Variants in GALNT13 observed in about 807,000 individuals in gnomAD.
GALNT13 encodes UDP-GalNAc:polypeptide N-acetylgalactosaminyltransferase 13.
In GALNT13, 28 loss-of-function variants were observed where a neutral mutation model predicts 64.2. That is an observed-to-expected ratio of 0.44 (90% confidence interval 0.32 to 0.60). The LOEUF is 0.60. GALNT13 is among the 20% of genes least tolerant of loss of function. The pLI, the probability that GALNT13 is intolerant of heterozygous loss-of-function variation, is 0.05. For missense variants in GALNT13, 577 were observed against 669.8 expected (o/e 0.86, Z 1.53); for synonymous variants, 214 against 224.6 (o/e 0.95, Z 0.42).
chr2:154,300,146 GC>G (rs1434497417), intron 8 of GALNT13, among the ~76,000 whole-genome samples: 1 of 133,082 alleles, frequency 7.5e-6, no homozygotes, highest in East Asian at 2.3e-4. Context: ...TGTCACCCAG[GC>G]TGGAGTGCAA....
At chr2:154,436,284 C>T (rs1206769237) in intron 11 of GALNT13, 1 of 152,048 alleles carries the variant, frequency 6.6e-6, no homozygotes, top group Non-Finnish European at 1.5e-5. Flanking sequence ...ATGTACGTTA[C>T]TTATAACTGT....
chr2:153,578,783 T>G, the GALNT13 span, among the ~76,000 whole-genome samples: 1 of 152,208 alleles, frequency 6.6e-6, no homozygotes, highest in African/African-American at 2.4e-5. Flanking sequence ...AGCAATATTT[T>G]ATGAAGTTAA....
chr2:153,078,890 T>A, the GALNT13 span, among the ~76,000 whole-genome samples: 1 of 152,172 alleles, frequency 6.6e-6, no homozygotes, highest in African/African-American at 2.4e-5. Flanking sequence ...TGTATTAGAC[T>A]CCTGGGAATC....
At chr2:153,161,032 G>A in the GALNT13 span, among the ~76,000 whole-genome samples, 2 of 152,190 alleles carry the variant, frequency 1.3e-5, no homozygotes, top group African/African-American at 4.8e-5. Flanking sequence ...TAGATTAAAA[G>A]GCAGTAAAAT....
intron 8 of GALNT13, among the ~76,000 whole-genome samples, chr2:154,284,203 T>C (rs926067870): frequency 5.3e-5 from 8 of 152,168 alleles, no homozygotes; most frequent in Non-Finnish European, 1.2e-4. Context: ...TGCAGTGCAA[T>C]AGATCACTAA....
At chr2:153,112,279 G>A in the GALNT13 span, among the ~76,000 whole-genome samples, 3 of 152,136 alleles carry the variant, frequency 2.0e-5, no homozygotes, top group Non-Finnish European at 4.4e-5. Context: ...CCTATAGGCA[G>A]TAAGTGCTCT....
the GALNT13 span, among the ~76,000 whole-genome samples, chr2:153,447,516 C>T: frequency 1.3e-5 from 2 of 152,194 alleles, no homozygotes; most frequent in Non-Finnish European, 2.9e-5. Flanking sequence ...TTATTTATTA[C>T]ATTTACAGCC....
chr2:154,022,694 C>T (rs1466737868), intron 3 of GALNT13, among the ~76,000 whole-genome samples: 1 of 152,140 alleles, frequency 6.6e-6, no homozygotes, highest in African/African-American at 2.4e-5. Flanking sequence ...TCTCTATTTC[C>T]TTCAGTTCTG....
intron 2 of GALNT13, among the ~76,000 whole-genome samples, chr2:153,940,684 G>T (rs1277329466): frequency 1.3e-5 from 2 of 151,994 alleles, no homozygotes; most frequent in Non-Finnish European, 2.9e-5. Context: ...AAAATTATTT[G>T]GTCATTAGTT....
chr2:153,358,792 A>G, the GALNT13 span, among the ~76,000 whole-genome samples: 31 of 152,164 alleles, frequency 2.0e-4, no homozygotes, highest in Non-Finnish European at 4.1e-4. Context: ...AAAAACTGAA[A>G]CATTCAGATA....
At chr2:153,470,829 T>G in the GALNT13 span, among the ~76,000 whole-genome samples, 1 of 152,118 alleles carries the variant, frequency 6.6e-6, no homozygotes, top group Admixed American at 6.5e-5. Flanking sequence ...CTATGGAATG[T>G]AGGGGAGGAA....
At chr2:153,366,228 T>C in the GALNT13 span, among the ~76,000 whole-genome samples, 14 of 152,050 alleles carry the variant, frequency 9.2e-5, no homozygotes, top group Admixed American at 2.6e-4. Context: ...AACAACACAC[T>C]GAGGCCTGTT....
intron 8 of GALNT13, among the ~76,000 whole-genome samples, chr2:154,293,994 T>G (rs1159508694): frequency 6.6e-6 from 1 of 152,222 alleles, no homozygotes; most frequent in African/African-American, 2.4e-5. Flanking sequence ...TGCATAGTGT[T>G]ATGCATTTCT....
chr2:154,299,755 G>A (rs968449176), intron 8 of GALNT13, among the ~76,000 whole-genome samples: 1 of 151,530 alleles, frequency 6.6e-6, no homozygotes, highest in African/African-American at 2.4e-5. Context: ...GAGCCACCGC[G>A]CCCGGCCTGA....
chr2:153,313,778 T>C, the GALNT13 span, among the ~76,000 whole-genome samples: 9 of 152,204 alleles, frequency 5.9e-5, no homozygotes, highest in Non-Finnish European at 1.0e-4. Context: ...CAAAAGTAAA[T>C]AGAAATATTA....
At chr2:154,062,042 T>C (rs1325201138) in intron 3 of GALNT13, among the ~76,000 whole-genome samples, 1 of 152,208 alleles carries the variant, frequency 6.6e-6, no homozygotes, top group Non-Finnish European at 1.5e-5. Flanking sequence ...ACTGTACTTG[T>C]ACCTTGCTTT....
chr2:153,352,470 C>T, the GALNT13 span, among the ~76,000 whole-genome samples: 2 of 152,086 alleles, frequency 1.3e-5, no homozygotes, highest in Non-Finnish European at 2.9e-5. Context: ...AGCTCAGTCT[C>T]TTAATCCTTT....
chr2:153,211,198 A>G, the GALNT13 span, among the ~76,000 whole-genome samples: 1 of 151,642 alleles, frequency 6.6e-6, no homozygotes, highest in Middle Eastern at 3.4e-3. Flanking sequence ...GCTGGAGTGT[A>G]GTGGCATGAT....
At chr2:153,667,311 C>G in the GALNT13 span, among the ~76,000 whole-genome samples, 3 of 152,196 alleles carry the variant, frequency 2.0e-5, no homozygotes, top group East Asian at 5.8e-4. Context: ...TATAAGACAA[C>G]CATCCCTAAG....
Sources: gnomAD v4.1 joint callset for allele counts (sites outside exome capture counted in the v4.1 genomes callset) on GRCh38, gnomAD v4.1.1 for gene constraint, MANE v1.5 for transcripts, NCBI Gene and HGNC (gene_info 2026-07-23, HGNC 2026-07-21) for gene names.